Variants in TTC38 observed in about 807,000 individuals in gnomAD.
TTC38 encodes the protein tetratricopeptide repeat protein 38.
TTC38 carries 64 observed loss-of-function variants against 64.2 expected under a neutral mutation model. The ratio of observed to expected loss-of-function variants is 1.00; its 90% CI spans 0.81 to 1.23. The LOEUF is 1.23. TTC38 is among the 50% of genes most tolerant of loss of function. TTC38 has a pLI of 0.00. For missense variants in TTC38, 573 were observed against 615.5 expected (o/e 0.93, Z 0.73); for synonymous variants, 254 against 249.3 (o/e 1.02, Z -0.18).
chr22:46,288,296 C>T, intron 10 of TTC38, 127 bp from the exon 11 acceptor site: 2 of 955,236 alleles, frequency 2.1e-6, no homozygotes, highest in South Asian at 3.3e-5. Context: ...CCCTGCCCAC[C>T]TCCCCGGCCT....
In TTC38 at chr22:46,273,324, C is replaced by T. The variant is rs1936935827; in HGVS notation, c.194-574C>T. On this transcript the variant is annotated intron_variant, in intron 3 of 13. Coordinates refer to ENST00000381031, the MANE Select transcript of TTC38 (RefSeq NM_017931.4). This position sits in a 1 kb window ranked among gnomAD's most constrained non-coding sequence, Gnocchi z 5.1. ...GCACACTATGGTTGGGTCCTGGGTC[C>T]CAGGCCTGAGCCAGTGACCAAGTTC... Among the ~76,000 whole-genome samples the T allele has an allele frequency of 6.6e-6, 1 of 152,170 alleles. No homozygotes were observed. Among genetic ancestry groups the T allele is most frequent in the Admixed American group, 6.5e-5 (1 of 15,284 alleles).
Position 46,272,018 on chromosome 22 carries a change from G to A in TTC38, c.112-317G>A, listed in dbSNP as rs773847038. Among the ~76,000 whole-genome samples the A allele has an allele frequency of 2.5e-4, 38 of 151,928 alleles. No individual in the cohort carries two copies. Among genetic ancestry groups the A allele is most frequent in the Non-Finnish European group, 4.4e-4 (30 of 67,962 alleles). On this transcript the variant is annotated intron_variant, in intron 2 of 13. Coordinates refer to ENST00000381031, the MANE Select transcript of TTC38 (RefSeq NM_017931.4). This position sits in a 1 kb window ranked among gnomAD's most constrained non-coding sequence, Gnocchi z 6.4. Reference sequence around the variant, plus strand: ...TTTTTATTTTTTGTTTTTTGAGACAGTCTCTCTCTGCCATCCAGGCTGGAG... The same window carrying A: ...TTTTTATTTTTTGTTTTTTGAGACAATCTCTCTCTGCCATCCAGGCTGGAG...
chr22:46,278,420 C>A (rs1041776847), intron 5 of TTC38, among the ~76,000 whole-genome samples, 166 bp from the exon 6 acceptor site: 1 of 152,184 alleles, frequency 6.6e-6, no homozygotes, highest in Non-Finnish European at 1.5e-5. Flanking sequence ...ACCCTAATCC[C>A]GTATGACCTC....
In TTC38 at chr22:46,271,953, A is replaced by C. The variant is rs1476019343; in HGVS notation, c.112-382A>C. Among the ~76,000 whole-genome samples, 2 of 152,152 alleles carry C rather than the reference A, an allele frequency of 1.3e-5. No homozygotes were observed. The highest frequency in any genetic ancestry group is 2.9e-5 in the Non-Finnish European group (2 of 68,032). ...GCCTTCTTTGGGTTAGAGTCCAGAA[A>C]ATACTCAGTGTTCTACAAAGAAAAA... On this transcript the variant is annotated intron_variant, in intron 2 of 13. Transcript: ENST00000381031. This position sits in a 1 kb window ranked among gnomAD's most constrained non-coding sequence, Gnocchi z 5.5.
rs1319843021 is a variant in TTC38 at position 46,284,033 on chromosome 22, G to A, written c.795+1G>A. The stretch of plus-strand genomic sequence containing the variant: ...CTGGGCTTTATATCTGATTGAGAAG[G>A]TAAGGTGACCATCTGTTTGCACTGT... On this transcript the variant is annotated splice_donor_variant, in intron 8 of 13. Coordinates refer to ENST00000381031, the MANE Select transcript of TTC38 (RefSeq NM_017931.4). LOFTEE classifies it high-confidence loss of function. 4 of 1,609,034 alleles carry A rather than the reference G, an allele frequency of 2.5e-6. No homozygotes were observed. Among genetic ancestry groups the A allele is most frequent in the Non-Finnish European group, 3.4e-6 (4 of 1,177,970 alleles).
rs1936946947 is a variant in TTC38, at chr22:46,273,796, C to G, written c.194-102C>G. On this transcript the variant is annotated intron_variant, in intron 3 of 13. Transcript: ENST00000381031. This position sits in a 1 kb window ranked among gnomAD's most constrained non-coding sequence, Gnocchi z 5.1. ...CCCAGCCTGCTGCTGCCTGGCTGGC[C>G]CCTCCTGGGACGTGGGGTGTCTCTG... 2 of 1,204,576 alleles carry G rather than the reference C, an allele frequency of 1.7e-6. No homozygotes were observed. The highest frequency in any genetic ancestry group is 2.9e-5 in the South Asian group (2 of 69,948). 74.6% of individuals were successfully genotyped at this position (1,204,576 alleles called of 1,614,324 possible).
rs1227273218 is a variant in TTC38 at position 46,273,317 on chromosome 22, C to T, written c.194-581C>T. Among the ~76,000 whole-genome samples, 1 of 152,206 alleles carries T rather than the reference C, an allele frequency of 6.6e-6. No individual in the cohort carries two copies. Among genetic ancestry groups the T allele is most frequent in the African/African-American group, 2.4e-5 (1 of 41,444 alleles). On this transcript the variant is annotated intron_variant, in intron 3 of 13. Coordinates refer to ENST00000381031, the MANE Select transcript of TTC38 (RefSeq NM_017931.4). This position sits in a 1 kb window ranked among gnomAD's most constrained non-coding sequence, Gnocchi z 5.1. ...GGTCCTAGCACACTATGGTTGGGTC[C>T]TGGGTCCCAGGCCTGAGCCAGTGAC... is the stretch of plus-strand genomic sequence containing the variant.
At position 46,270,595 on chromosome 22, in the gene TTC38, G is replaced by A. The variant is rs1392187916; in HGVS notation, c.112-1740G>A. Among the ~76,000 whole-genome samples, 1 of 152,232 alleles carries A rather than the reference G, an allele frequency of 6.6e-6. No individual in the cohort carries two copies. Among genetic ancestry groups the A allele is most frequent in the Non-Finnish European group, 1.5e-5 (1 of 68,046 alleles). On this transcript the variant is annotated intron_variant, in intron 2 of 13. Coordinates refer to ENST00000381031, the MANE Select transcript of TTC38 (RefSeq NM_017931.4). The surrounding 1 kb of genome is among the most constrained non-coding windows in gnomAD (Gnocchi z 4.7). ...CGCCTGTAATCCCAGCACTTTGGGA[G>A]GCTGAGGCAGGTGGATCATCTGAGG...
chr22:46,287,136 T>C lies in TTC38; in HGVS notation c.898T>C (p.Tyr300His). 6.2e-7 allele frequency: 1 copy of C among 1,603,724 alleles called. No individual in the cohort carries two copies. The change falls in exon 10 of 14, where the codon TAC becomes CAC. Residue 300 changes from tyrosine (Y) to histidine (H), a missense_variant. Physicochemically the swap from Tyr to His is moderately conservative, Grantham distance 83. Coordinates refer to ENST00000381031, the MANE Select transcript of TTC38 (RefSeq NM_017931.4). ...LDVVDSCSML[Y>H]RLQMEGVSVG... ...CGTGGTGGACAGCTGCTCCATGCTC[T>C]ACCGCCTGCAGATGGAAGGTAGCCA...
chr22:46,278,856 C>G (rs2077513082), intron 6 of TTC38, among the ~76,000 whole-genome samples, 195 bp downstream of exon 6: 1 of 152,226 alleles, frequency 6.6e-6, no homozygotes, highest in Non-Finnish European at 1.5e-5. Context: ...CTGTGGCCCC[C>G]CCAAAGTCCC....
rs1936879315 is a variant in TTC38, at chr22:46,270,860, G to A, written c.112-1475G>A. On this transcript the variant is annotated intron_variant, in intron 2 of 13. Coordinates refer to ENST00000381031, the MANE Select transcript of TTC38 (RefSeq NM_017931.4). This position sits in a 1 kb window ranked among gnomAD's most constrained non-coding sequence, Gnocchi z 4.7. ...AAAAAGAAAAAAAAAAAATTAGCCGGGCGCAGTGGTGCACACCTGTAATCC... is the reference window on the plus strand; with the variant it reads ...AAAAAGAAAAAAAAAAAATTAGCCGAGCGCAGTGGTGCACACCTGTAATCC... Among the ~76,000 whole-genome samples, 1 of 150,762 alleles carries A rather than the reference G, an allele frequency of 6.6e-6. No homozygotes were observed. The highest frequency in any genetic ancestry group is 1.5e-5 in the Non-Finnish European group (1 of 67,630).
In TTC38 at chr22:46,281,897, G is replaced by C; in HGVS notation, c.735+179G>C. On this transcript the variant is annotated intron_variant, in intron 7 of 13. Transcript: ENST00000381031. This position sits in a 1 kb window ranked among gnomAD's most constrained non-coding sequence, Gnocchi z 5.2. ...TGAGCAGAATGCAATCAAGATTCCA[G>C]TCCCCACCCCAGGCCCATACCTTGC... 2.5e-6 allele frequency: 2 copies of C among 813,302 alleles called. No homozygotes were observed. The highest frequency in any genetic ancestry group is 3.2e-5 in the South Asian group (2 of 63,258). 50.4% of individuals were successfully genotyped at this position (813,302 alleles called of 1,614,324 possible).
intron 6 of TTC38, chr22:46,280,131 CTGTGA>C (rs2077522932): frequency 2.1e-6 from 1 of 471,088 alleles, no homozygotes; most frequent in Non-Finnish European, 4.4e-6. Flanking sequence ...GAAAAGCAGG[CTGTGA>C]TGGGGCCAGG....
rs537980165 is a variant in TTC38, at chr22:46,271,766, C to T, written c.112-569C>T. 5.8e-4 allele frequency among the ~76,000 whole-genome samples: 88 copies of T among 152,298 alleles called. No individual in the cohort carries two copies. Among genetic ancestry groups the T allele is most frequent in the Admixed American group, 1.1e-3 (17 of 15,298 alleles). On this transcript the variant is annotated intron_variant, in intron 2 of 13. Transcript: ENST00000381031. The surrounding 1 kb of genome is among the most constrained non-coding windows in gnomAD (Gnocchi z 5.5). ...CCTCAAGTGATCCACCCGCCTCAGT[C>T]TTCCAAAGTACTGGGATTACAGGCG...
chr22:46,289,730 A>T (rs1601886396), intron 12 of TTC38, 96 bp from the exon 13 acceptor site: 2 of 1,483,112 alleles, frequency 1.3e-6, no homozygotes, highest in East Asian at 4.5e-5. Flanking sequence ...CATCAACACC[A>T]CTGTCTCCCT....
chr22:46,269,583 C>T (rs1036466048), intron 2 of TTC38, among the ~76,000 whole-genome samples: 19 of 152,224 alleles, frequency 1.2e-4, no homozygotes, highest in African/African-American at 4.3e-4. Context: ...ACTTCATCCA[C>T]ATAACAGGAG....
intron 6 of TTC38, chr22:46,280,182 G>A (rs1221130775): frequency 6.4e-6 from 3 of 471,266 alleles, no homozygotes; most frequent in South Asian, 4.6e-5. Flanking sequence ...TGCAGCCCCA[G>A]GCTGGTGAGG....
chr22:46,269,939 C>T (rs972080618), intron 2 of TTC38, among the ~76,000 whole-genome samples: 3 of 152,160 alleles, frequency 2.0e-5, no homozygotes, highest in African/African-American at 4.8e-5. Flanking sequence ...ATTATAGGCA[C>T]GCACCATCAT....
rs1254907818 is a variant in TTC38, at chr22:46,276,552, G to A, written c.539+1131G>A. Among the ~76,000 whole-genome samples, 1 of 151,492 alleles carries A rather than the reference G, an allele frequency of 6.6e-6. No individual in the cohort carries two copies. The highest frequency in any genetic ancestry group is 1.5e-5 in the Non-Finnish European group (1 of 67,926). On this transcript the variant is annotated intron_variant, in intron 5 of 13. Coordinates refer to ENST00000381031, the MANE Select transcript of TTC38 (RefSeq NM_017931.4). The surrounding 1 kb of genome is among the most constrained non-coding windows in gnomAD (Gnocchi z 4.7). Reference sequence around the variant, plus strand: ...AAGAAAAAATAAATTAAAAAAGTTAGCCAGGCATGGTGGCATGTGCCTGTA... The same window carrying A: ...AAGAAAAAATAAATTAAAAAAGTTAACCAGGCATGGTGGCATGTGCCTGTA...
Sources: gnomAD v4.1 joint callset for allele counts (sites outside exome capture counted in the v4.1 genomes callset) on GRCh38, gnomAD v4.1.1 for gene constraint, Gnocchi (gnomAD v3.1) non-coding constraint, MANE v1.5 for transcripts, NCBI Gene and HGNC (gene_info 2026-07-23, HGNC 2026-07-21) for gene names.